Variants in MEF2C observed in about 807,000 individuals in gnomAD.
The protein encoded by MEF2C is myocyte enhancer factor 2C, also known as myocyte-specific enhancer factor 2C.
A neutral mutation model predicts 50.5 loss-of-function variants in MEF2C; 6 were observed. That is an observed-to-expected ratio of 0.12 (90% CI 0.07 to 0.23). The LOEUF is 0.23. MEF2C is among the 10% of genes least tolerant of loss of function. MEF2C has a pLI of 1.00. For missense variants in MEF2C, 276 were observed against 605.0 expected, an observed-to-expected ratio of 0.46 and a Z score of 5.70; for synonymous variants, 183 against 228.0, an observed-to-expected ratio of 0.80 and a Z score of 1.78.
rs182589868 is a variant in MEF2C at position 88,880,482 on chromosome 5, T to C, written c.-143+2473A>G. ...ACTCAAATTATACCACACTTTAGAGTTGAGAAATAAAACCACAAAATATAC... is the reference window on the plus strand; with the variant it reads ...ACTCAAATTATACCACACTTTAGAGCTGAGAAATAAAACCACAAAATATAC... On this transcript the variant is annotated intron_variant, in intron 1 of 10. Transcript: ENST00000504921. Among the ~76,000 whole-genome samples the C allele has an allele frequency of 1.6e-4, 25 of 152,176 alleles. No homozygotes were observed. The East Asian group carries it at 2.3e-3, about 14-fold the overall frequency.
At chr5:88,751,743 TGAA>T in intron 5 of MEF2C, 111 bp downstream of exon 5, 1 of 1,243,606 alleles carries the variant, frequency 8.0e-7, no homozygotes, top group Middle Eastern at 2.2e-4. Flanking sequence ...TGGTAAGCCA[TGAA>T]GGAGAGTAAG....
At chr5:88,761,136 C>T (rs1777668961) in intron 4 of MEF2C, 49 bp downstream of exon 4, 1 of 1,613,786 alleles carries the variant, frequency 6.2e-7, no homozygotes, top group Admixed American at 1.7e-5. Context: ...CTGCCAGGTT[C>T]AGAGAAATAT....
At chr5:88,869,769 CA>C (rs908776564) in intron 1 of MEF2C, among the ~76,000 whole-genome samples, 3 of 149,138 alleles carry the variant, frequency 2.0e-5, no homozygotes, top group Non-Finnish European at 4.5e-5. Flanking sequence ...TCTTAACGAA[CA>C]AAAATTAATT....
rs1232547603 is a variant in MEF2C, at chr5:88,874,707, G to T, written c.-143+8248C>A. Among the ~76,000 whole-genome samples, 8 of 151,834 alleles carry T rather than the reference G, an allele frequency of 5.3e-5. 1 individual carries two copies. Among genetic ancestry groups the T allele is most frequent in the Non-Finnish European group, 1.2e-4 (8 of 67,838 alleles). ...ATTCTTATCTATTTAAGTTTCAAGA[G>T]AAATAAAATTAAATTACACTTAACT... On this transcript the variant is annotated intron_variant, in intron 1 of 10. Coordinates refer to ENST00000504921, the MANE Select transcript of MEF2C (RefSeq NM_002397.5).
intron 1 of MEF2C, among the ~76,000 whole-genome samples, chr5:88,858,798 TA>T (rs547123685): frequency 6.6e-6 from 1 of 152,042 alleles, no homozygotes; most frequent in African/African-American, 2.4e-5. Context: ...ACGCTATTTT[TA>T]AAAAAAACAT....
intron 4 of MEF2C, among the ~76,000 whole-genome samples, chr5:88,758,829 C>T (rs752063287): frequency 5.3e-5 from 8 of 152,300 alleles, no homozygotes; most frequent in Admixed American, 6.5e-5. Context: ...TACCACACAC[C>T]ACTGCACCCC....
intron 1 of MEF2C, among the ~76,000 whole-genome samples, chr5:88,868,044 T>C (rs1383003285): frequency 6.6e-6 from 1 of 152,090 alleles, no homozygotes; most frequent in Non-Finnish European, 1.5e-5. Context: ...AAAGAAAGAA[T>C]TACCTCCCAA....
intron 10 of MEF2C, among the ~76,000 whole-genome samples, chr5:88,726,894 C>CA (rs914419929): frequency 3.3e-5 from 5 of 150,896 alleles, no homozygotes; most frequent in South Asian, 2.1e-4. Context: ...CTATTGAAAA[C>CA]AAAAAAAAGC....
chr5:88,858,705 T>C (rs947629249), intron 1 of MEF2C, among the ~76,000 whole-genome samples: 1 of 152,212 alleles, frequency 6.6e-6, no homozygotes, highest in Admixed American at 6.5e-5. Flanking sequence ...AATCTCTTTC[T>C]CATGTGTTCT....
intron 3 of MEF2C, among the ~76,000 whole-genome samples, chr5:88,782,743 C>T (rs562606837): frequency 5.9e-5 from 9 of 152,290 alleles, no homozygotes; most frequent in Non-Finnish European, 1.0e-4. Flanking sequence ...TTGGCACTTC[C>T]ACTTTTCACA....
intron 5 of MEF2C, among the ~76,000 whole-genome samples, chr5:88,750,668 C>A (rs1015975896): frequency 4.6e-5 from 7 of 152,070 alleles, no homozygotes; most frequent in Admixed American, 6.5e-5. Context: ...AAAATTCATA[C>A]GAAAATTTTC....
chr5:88,731,043 G>A (rs763668070), intron 7 of MEF2C, among the ~76,000 whole-genome samples: 81 of 152,096 alleles, frequency 5.3e-4, no homozygotes, highest in Non-Finnish European at 1.0e-3. Flanking sequence ...GACAGGGTCT[G>A]GGGATATAAC....
chr5:88,734,147 T>G, intron 6 of MEF2C: 3 of 984,964 alleles, frequency 3.0e-6, no homozygotes, highest in Non-Finnish European at 3.6e-6. Context: ...GAATATGTTA[T>G]GAACTTAGTT....
At chr5:88,894,840 G>C (rs1209655319) in intron 1 of MEF2C, among the ~76,000 whole-genome samples, 4 of 152,070 alleles carry the variant, frequency 2.6e-5, no homozygotes, top group Non-Finnish European at 4.4e-5. Context: ...AAACAGCATG[G>C]GAAATGTTCT....
intron 3 of MEF2C, 53 bp from the exon 4 acceptor site, chr5:88,761,381 T>C: frequency 6.4e-7 from 1 of 1,558,528 alleles, no homozygotes; most frequent in Non-Finnish European, 8.7e-7. Flanking sequence ...GTAAGAGACA[T>C]TCAGGGGCAT....
At chr5:88,815,635 C>G (rs1804971623) in intron 2 of MEF2C, among the ~76,000 whole-genome samples, 1 of 151,990 alleles carries the variant, frequency 6.6e-6, no homozygotes, top group African/African-American at 2.4e-5. Flanking sequence ...TTGCCAAAGC[C>G]ATTATCCTCA....
intron 1 of MEF2C, chr5:88,844,660 T>C: frequency 1.4e-6 from 1 of 699,992 alleles, no homozygotes. Context: ...ATTCAAATTA[T>C]ATTTCTTAAT....
chr5:88,799,281 T>C (rs908980999), intron 3 of MEF2C, among the ~76,000 whole-genome samples: 1 of 152,146 alleles, frequency 6.6e-6, no homozygotes, highest in Non-Finnish European at 1.5e-5. Context: ...CCCAGGGAGA[T>C]GGGAGTTTTA....
intron 3 of MEF2C, 118 bp downstream of exon 3, chr5:88,804,480 T>C: frequency 1.2e-6 from 1 of 858,098 alleles, no homozygotes; most frequent in Non-Finnish European, 1.9e-6. Flanking sequence ...TGGGTCTATC[T>C]ATGGGACTAT....
Sources: gnomAD v4.1 joint callset for allele counts (sites outside exome capture counted in the v4.1 genomes callset) on GRCh38, gnomAD v4.1.1 for gene constraint, MANE v1.5 for transcripts, NCBI Gene and HGNC (gene_info 2026-07-23, HGNC 2026-07-21) for gene names.